LBP: variants seen among roughly 807,000 people sequenced by gnomAD.
LBP encodes the protein lipopolysaccharide binding protein.
A neutral mutation model predicts 56.6 loss-of-function variants in LBP; 53 were observed. The observed-to-expected ratio is 0.94, with a 90% CI of 0.75 to 1.18. The LOEUF is 1.18. Among genes scored for constraint, LBP ranks in the 50% most tolerant of loss-of-function variants. The pLI, the probability that LBP is intolerant of heterozygous loss-of-function variation, is 0.00. For synonymous variants in LBP, 227 were observed against 247.5 expected, an observed-to-expected ratio of 0.92 and a Z score of 0.78; for missense variants, 601 against 598.3, an observed-to-expected ratio of 1.00 and a Z score of -0.05.
In LBP at chr20:38,363,273, A is replaced by G. The variant is rs906805905; in HGVS notation, c.653-702A>G. ...CAAACAGTTTTCCAAAGTGGTTGTA[A>G]CAGACCTTATTTGTTAACAGCCGTG... On this transcript the variant is annotated intron_variant, in intron 6 of 14. Coordinates refer to ENST00000217407, the MANE Select transcript of LBP (RefSeq NM_004139.5). 7.9e-5 allele frequency among the ~76,000 whole-genome samples: 12 copies of G among 152,210 alleles called. 1 individual carries two copies. In the South Asian group the frequency reaches 1.4e-3, roughly 18 times the overall value.
intron 6 of LBP, among the ~76,000 whole-genome samples, chr20:38,362,053 CTTTT>C (rs1229689650): frequency 0.065 from 7,652 of 117,310 alleles, 136 homozygotes; most frequent in South Asian, 0.14. Context: ...TTTTTGTTTT[CTTTT>C]TTTTTTTTTT....
chr20:38,364,731 C>G lies in LBP; in HGVS notation c.900C>G (p.Asn300Lys), dbSNP rs774351558. ...TTTATCATGAGGAAGGATATCTGAA[C>G]TTCTCCATCACAGATGACATGGTGA... The part of the protein sequence containing the change: ...SLVYHEEGYL[N>K]FSITDDMIPP... The change falls in exon 8 of 15, where the codon AAC becomes AAG. Residue 300 changes from asparagine (N) to lysine (K), a missense_variant. Transcript: ENST00000217407. The G allele has an allele frequency of 1.9e-6, 3 of 1,612,262 alleles. No individual in the cohort carries two copies. The highest frequency in any genetic ancestry group is 1.7e-6 in the Non-Finnish European group (2 of 1,178,974).
intron 14 of LBP, among the ~76,000 whole-genome samples, chr20:38,374,320 C>T (rs772697267): frequency 1.3e-5 from 2 of 152,102 alleles, no homozygotes; most frequent in Non-Finnish European, 2.9e-5. Flanking sequence ...TACTGCGGGC[C>T]GGGTGCAGTG....
intron 7 of LBP, 57 bp downstream of exon 7, chr20:38,364,123 C>A: frequency 8.4e-7 from 1 of 1,187,230 alleles, no homozygotes; most frequent in Non-Finnish European, 1.3e-6. Flanking sequence ...GTCAGCCATT[C>A]TTTGGGCCAC....
At chr20:38,363,816 G>A (rs1654153437) in intron 6 of LBP, among the ~76,000 whole-genome samples, 159 bp from the exon 7 acceptor site, 1 of 152,152 alleles carries the variant, frequency 6.6e-6, no homozygotes, top group African/African-American at 2.4e-5. Context: ...AATCCATGTA[G>A]TGTCTTTCTT....
intron 1 of LBP, among the ~76,000 whole-genome samples, chr20:38,347,359 C>T (rs1482833232): frequency 6.6e-6 from 1 of 151,922 alleles, no homozygotes; most frequent in African/African-American, 2.4e-5. Flanking sequence ...GCCTGGCCAA[C>T]ATGGTGAAGC....
At chr20:38,366,689 C>G in intron 8 of LBP, 80 bp from the exon 9 acceptor site, 2 of 1,295,072 alleles carry the variant, frequency 1.5e-6, no homozygotes, top group African/African-American at 1.5e-5. Context: ...TCTTGCACAT[C>G]CCCCTGTCTC....
At chr20:38,374,684 A>G (rs567873834) in intron 14 of LBP, among the ~76,000 whole-genome samples, 57 of 151,868 alleles carry the variant, frequency 3.8e-4, no homozygotes, top group Non-Finnish European at 7.1e-4. Context: ...GTCATTTGTA[A>G]GTTTTAAGCT....
At position 38,374,020 on chromosome 20, in the gene LBP, G is replaced by A. The variant is rs377575340; in HGVS notation, c.1401+7G>A. 1 of 1,613,622 alleles carries A rather than the reference G, an allele frequency of 6.2e-7. No homozygotes were observed. Among genetic ancestry groups the A allele is most frequent in the South Asian group, 1.1e-5 (1 of 91,012 alleles). On this transcript the variant is annotated splice_region_variant and intron_variant, in intron 14 of 14. Transcript: ENST00000217407. ...TGGGCTGCAGATCCATAAGGTCGGTGGGTTCAGGGGGGCTCTGAGGATGTG... is the reference window on the plus strand; with the variant it reads ...TGGGCTGCAGATCCATAAGGTCGGTAGGTTCAGGGGGGCTCTGAGGATGTG...
intron 5 of LBP, among the ~76,000 whole-genome samples, chr20:38,357,436 T>G (rs2076845291): frequency 6.6e-6 from 1 of 152,152 alleles, no homozygotes; most frequent in South Asian, 2.1e-4. Context: ...AATTCCCCAC[T>G]CAGGGTGGGA....
intron 5 of LBP, among the ~76,000 whole-genome samples, chr20:38,357,175 T>TC (rs1486814500): frequency 2.0e-5 from 3 of 152,140 alleles, no homozygotes; most frequent in African/African-American, 7.2e-5. Flanking sequence ...GATCTTAACC[T>TC]CGACCTTGGA....
chr20:38,364,100 G>T (rs761951207), intron 7 of LBP, 34 bp downstream of exon 7: 2 of 1,457,854 alleles, frequency 1.4e-6, no homozygotes, highest in African/African-American at 2.8e-5. Context: ...CGTGGGTGAG[G>T]CTTTCCCTCA....
chr20:38,364,536 G>A, intron 7 of LBP, 40 bp from the exon 8 acceptor site: 6 of 1,606,330 alleles, frequency 3.7e-6, no homozygotes, highest in Non-Finnish European at 4.3e-6. Context: ...CCCCACGATA[G>A]GCTTTGAAAA....
chr20:38,375,854 G>T (rs1411077749), intron 14 of LBP, among the ~76,000 whole-genome samples: 1 of 152,074 alleles, frequency 6.6e-6, no homozygotes, highest in African/African-American at 2.4e-5. Flanking sequence ...TGAAGGGCAG[G>T]GGGGATGATT....
chr20:38,359,443 G>A (rs1210132792), intron 5 of LBP, among the ~76,000 whole-genome samples: 1 of 152,044 alleles, frequency 6.6e-6, no homozygotes, highest in African/African-American at 2.4e-5. Flanking sequence ...TTAGCAGGGT[G>A]TGGTGGCACA....
chr20:38,375,815 C>G (rs73909021), intron 14 of LBP, among the ~76,000 whole-genome samples: 1 of 152,032 alleles, frequency 6.6e-6, no homozygotes, highest in Non-Finnish European at 1.5e-5. Flanking sequence ...ACATTGTTAA[C>G]AACAGAAAAT....
chr20:38,359,748 G>C (rs2076853243), intron 5 of LBP, among the ~76,000 whole-genome samples: 2 of 152,154 alleles, frequency 1.3e-5, no homozygotes, highest in African/African-American at 4.8e-5. Flanking sequence ...CTATCCCAAG[G>C]CTGCATCATA....
Position 38,354,434 on chromosome 20 carries a change from CTT to C in LBP, c.520_521del (p.Leu174GlyfsTer12). Reference protein sequence around the residue: ...ADVEVDMSGDLGWLLNLFHNQ... With the variant: ...ADVEVDMSGDXGWLLNLFHNQ... ...ACGTGGAGGTGGACATGTCGGGAGA[CTT>C]GGGGTAGGTCTCCATCGGGGCACTG... On this transcript the variant is annotated frameshift_variant, in exon 4 of 15. Coordinates refer to ENST00000217407, the MANE Select transcript of LBP (RefSeq NM_004139.5). LOFTEE classifies it high-confidence loss of function. The C allele has an allele frequency of 6.2e-7, 1 of 1,610,506 alleles. No individual in the cohort carries two copies. The highest frequency in any genetic ancestry group is 8.5e-7 in the Non-Finnish European group (1 of 1,178,452).
At chr20:38,364,520 C>A in intron 7 of LBP, 56 bp from the exon 8 acceptor site, 5 of 1,545,778 alleles carry the variant, frequency 3.2e-6, no homozygotes, top group South Asian at 1.1e-5. Flanking sequence ...GAATACCTAG[C>A]CCCTGCCCCA....
Sources: gnomAD v4.1 joint callset for allele counts (sites outside exome capture counted in the v4.1 genomes callset) on GRCh38, gnomAD v4.1.1 for gene constraint, MANE v1.5 for transcripts, NCBI Gene and HGNC (gene_info 2026-07-23, HGNC 2026-07-21) for gene names.